CRELD2: variants seen among roughly 807,000 people sequenced by gnomAD.
The protein encoded by CRELD2 is CRELD disulfide isomerase 2.
CRELD2 carries 33 observed loss-of-function variants against 48.1 expected under a neutral mutation model. The observed-to-expected ratio is 0.69, with a 90% confidence interval of 0.52 to 0.92. The LOEUF is 0.92. Among genes scored for constraint, CRELD2 ranks in the 40% least tolerant of loss-of-function variants. The pLI is 0.00. For missense variants in CRELD2, 477 were observed against 482.4 expected (o/e 0.99, Z 0.10); for synonymous variants, 220 against 203.9 (o/e 1.08, Z -0.67).
At chr22:49,919,169 C>T (rs2060648909) in intron 1 of CRELD2, 61 bp from the exon 2 acceptor site, 1 of 994,366 alleles carries the variant, frequency 1.0e-6, no homozygotes, top group Non-Finnish European at 1.4e-6. Flanking sequence ...GACCTGGGCT[C>T]GCCCCCACCC....
intron 7 of CRELD2, 88 bp downstream of exon 7, chr22:49,923,405 A>G (rs1186831209): frequency 7.4e-6 from 7 of 948,232 alleles, no homozygotes; most frequent in Non-Finnish European, 1.2e-5. Context: ...TCTTAGTGTC[A>G]CTTCCATACA....
chr22:49,927,159 G>A (rs1202963465), intron 9 of CRELD2, 96 bp from the exon 10 acceptor site: 17 of 1,095,628 alleles, frequency 1.6e-5, no homozygotes, highest in South Asian at 3.8e-5. Flanking sequence ...AGGACTGGAC[G>A]GGCAGGCCCT....
intron 7 of CRELD2, 28 bp from the exon 8 acceptor site, chr22:49,924,332 G>C: frequency 6.4e-7 from 1 of 1,561,876 alleles, no homozygotes. Flanking sequence ...TGTGCATGTC[G>C]GGGTCTGACG....
At position 49,919,240 on chromosome 22, in the gene CRELD2, A is replaced by G. The variant is rs774830186; in HGVS notation, c.140A>G (p.Asp47Gly). 2 of 1,613,702 alleles carry G rather than the reference A, an allele frequency of 1.2e-6. No homozygotes were observed. The highest frequency in any genetic ancestry group is 1.7e-6 in the Non-Finnish European group (2 of 1,179,988). Residue 47 changes from aspartate to glycine, a missense_variant, in exon 2 of 10, where the codon GAC (aspartate) becomes GGC (glycine). Asp to Gly is a moderately conservative substitution (Grantham distance 94). Transcript: ENST00000328268. ...LVDKFNQGMV[D>G]TAKKNFGGGN... ...ACTGTCTCCTCGCAGGGGATGGTGGACACCGCAAAGAAGAACTTTGGCGGC... is the reference window on the plus strand; with the variant it reads ...ACTGTCTCCTCGCAGGGGATGGTGGGCACCGCAAAGAAGAACTTTGGCGGC...
rs772618402 is a variant in CRELD2, at chr22:49,920,228, C to T, written c.396C>T (p.Thr132=). The T allele has an allele frequency of 1.1e-5, 17 of 1,612,078 alleles. No homozygotes were observed. Among genetic ancestry groups the T allele is most frequent in the Non-Finnish European group, 1.4e-5 (16 of 1,178,644 alleles). Residue 132 remains threonine (T), a synonymous_variant, in exon 4 of 10, where the codon ACC becomes ACT. Transcript: ENST00000328268. ...TGAAAGTGTGCTGCTCTCCAGGAAC[C>T]TACGGTCCCGACTGTCTCGGTGCGT... The part of the protein sequence containing the change: ...KTLKVCCSPG[T]YGPDCLACQG...
chr22:49,922,562 G>A, intron 5 of CRELD2, 50 bp from the exon 6 acceptor site: 1 of 1,492,388 alleles, frequency 6.7e-7, no homozygotes, highest in Non-Finnish European at 9.0e-7. Context: ...TTGTCCCCAA[G>A]CTGGTACCTG....
At position 49,921,622 on chromosome 22, in the gene CRELD2, T is replaced by C. The variant is rs1321961732; in HGVS notation, c.453T>C (p.Asn151=). 6.2e-6 allele frequency: 10 copies of C among 1,612,704 alleles called. No homozygotes were observed. The highest frequency in any genetic ancestry group is 4.0e-5 in the African/African-American group (3 of 74,908). Residue 151 remains asparagine, a synonymous_variant, in exon 5 of 10, where the codon AAT becomes AAC. Transcript: ENST00000328268. ...QGGSQRPCSG[N]GHCSGDGSRQ... Reference sequence around the variant, plus strand: ...GATCCCAGAGGCCCTGCAGCGGGAATGGCCACTGCAGCGGAGATGGGAGCA... The same window carrying C: ...GATCCCAGAGGCCCTGCAGCGGGAACGGCCACTGCAGCGGAGATGGGAGCA...
In CRELD2 at chr22:49,921,813, C is replaced by A. The variant is rs558913215; in HGVS notation, c.592+52C>A. 25 of 1,554,886 alleles carry A rather than the reference C, an allele frequency of 1.6e-5. No homozygotes were observed. In the East Asian group the frequency reaches 5.4e-4, roughly 34 times the overall value. On this transcript the variant is annotated intron_variant, in intron 5 of 9. Coordinates refer to ENST00000328268, the MANE Select transcript of CRELD2 (RefSeq NM_024324.5). ...GGGGTTGAGGCGGGATGACAAGAGC[C>A]CCTTGCTGGAGCTGCCTGCCTAGAT... is the stretch of plus-strand genomic sequence containing the variant.
rs551211225 is a variant in CRELD2, at chr22:49,927,121, T to C, written c.1010-134T>C. 2.1e-5 allele frequency: 17 copies of C among 792,840 alleles called. No homozygotes were observed. The East Asian group carries it at 4.2e-4, about 19-fold the overall frequency. The allele number at this position is 792,840 out of a possible 1,614,324, so 49.1% of individuals were successfully genotyped here. A position where few individuals can be genotyped will look rare whatever the true frequency, so the allele number is the denominator to read the frequency against. Reference sequence around the variant, plus strand: ...GAAACGGGGGTCTCCGAGCTGCCCTTGGATGGCTGCGTCCGGGGCTTTGAG... The same window carrying C: ...GAAACGGGGGTCTCCGAGCTGCCCTCGGATGGCTGCGTCCGGGGCTTTGAG... On this transcript the variant is annotated intron_variant, in intron 9 of 9. Coordinates refer to ENST00000328268, the MANE Select transcript of CRELD2 (RefSeq NM_024324.5).
At chr22:49,926,910 C>T (rs1378986735) in intron 9 of CRELD2, among the ~76,000 whole-genome samples, 3 of 57,382 alleles carry the variant, frequency 5.2e-5, no homozygotes, top group Non-Finnish European at 1.0e-4. Context: ...CACCCTCAGT[C>T]CCCTCTTTCT....
In CRELD2 at chr22:49,922,669, G is replaced by A. The variant is rs1358035133; in HGVS notation, c.650G>A (p.Cys217Tyr). The change falls in exon 6 of 10, where the codon TGT becomes TAT. Residue 217 changes from cysteine (C) to tyrosine (Y), a missense_variant. Transcript: ENST00000328268. ...CTGACCAACAGAGACTGCGGCGAGT[G>A]TGAAGTGGGCTGGGTGCTGGACGAG... ...SGLTNRDCGE[C>Y]EVGWVLDEGA... 3 of 1,566,386 alleles carry A rather than the reference G, an allele frequency of 1.9e-6. No homozygotes were observed. Among genetic ancestry groups the A allele is most frequent in the Non-Finnish European group, 2.6e-6 (3 of 1,157,236 alleles).
intron 2 of CRELD2, 102 bp from the exon 3 acceptor site, chr22:49,919,628 C>A (rs1162236424): frequency 1.2e-5 from 10 of 835,490 alleles, no homozygotes; most frequent in East Asian, 8.0e-5. Context: ...TGCCCGGAGT[C>A]CTGGCTCCCC....
intron 5 of CRELD2, chr22:49,922,276 G>C (rs7410765): frequency 6.9e-7 from 1 of 1,451,080 alleles, no homozygotes; most frequent in Non-Finnish European, 9.3e-7. Flanking sequence ...CGGCCTCTCC[G>C]ATTCTTACGC....
Position 49,924,363 on chromosome 22 carries a change from G to A in CRELD2, c.776G>A (p.Cys259Tyr). The A allele has an allele frequency of 6.2e-7, 1 of 1,610,754 alleles. No individual in the cohort carries two copies. The change falls in exon 8 of 10, where the codon TGT becomes TAT. Residue 259 changes from cysteine (C) to tyrosine (Y), a missense_variant. Coordinates refer to ENST00000328268, the MANE Select transcript of CRELD2 (RefSeq NM_024324.5). ...NANGSYTCEE[C>Y]DSSCVGCTGE... ...TGACGCTGGCTCCCTGTTGCAGAGT[G>A]TGACTCCAGCTGTGTGGGCTGCACA...
chr22:49,921,697 G>A lies in CRELD2; in HGVS notation c.528G>A (p.Leu176=). The A allele has an allele frequency of 6.2e-7, 1 of 1,612,960 alleles. No homozygotes were observed. Among genetic ancestry groups the A allele is most frequent in the Non-Finnish European group, 8.5e-7 (1 of 1,179,980 alleles). The change falls in exon 5 of 10, where the codon CTG becomes CTA. Residue 176 remains leucine (L), a synonymous_variant. Transcript: ENST00000328268. The part of the protein sequence containing the change: ...CRCHMGYQGP[L]CTDCMDGYFS... ...GCCACATGGGGTACCAGGGCCCGCT[G>A]TGCACTGACTGCATGGACGGCTACT...
At chr22:49,924,283 T>A in intron 7 of CRELD2, 77 bp from the exon 8 acceptor site, 1 of 999,498 alleles carries the variant, frequency 1.0e-6, no homozygotes, top group African/African-American at 1.6e-5. Flanking sequence ...GCGGCACCGG[T>A]GCCTTGTGCA....
chr22:49,918,663 G>T lies in CRELD2; in HGVS notation c.-107G>T. 2.6e-6 allele frequency: 1 copy of T among 387,604 alleles called. No individual in the cohort carries two copies. Among genetic ancestry groups the T allele is most frequent in the Non-Finnish European group, 4.4e-6 (1 of 227,936 alleles). The allele number at this position is 387,604 out of a possible 1,614,324, so 24.0% of individuals were successfully genotyped here. A position where few individuals can be genotyped will look rare whatever the true frequency, so the allele number is the denominator to read the frequency against. On this transcript the variant is annotated 5_prime_UTR_variant, in exon 1 of 10. Transcript: ENST00000328268. Reference sequence around the variant, plus strand: ...CCTCGCCGGCGCCGTCAAGTAGCCTGGGGGACAGGCCGGCGCGGCTGGGAG... The same window carrying T: ...CCTCGCCGGCGCCGTCAAGTAGCCTTGGGGACAGGCCGGCGCGGCTGGGAG...
chr22:49,921,644 A>G lies in CRELD2; in HGVS notation c.475A>G (p.Ser159Gly). 6.2e-7 allele frequency: 1 copy of G among 1,612,798 alleles called. No homozygotes were observed. Among genetic ancestry groups the G allele is most frequent in the South Asian group, 1.1e-5 (1 of 91,072 alleles). ...GAATGGCCACTGCAGCGGAGATGGG[A>G]GCAGACAGGGCGACGGGTCCTGCCG... ...SGNGHCSGDGSRQGDGSCRCH... is the reference protein window; with the variant it reads ...SGNGHCSGDGGRQGDGSCRCH... Residue 159 changes from serine to glycine, a missense_variant, in exon 5 of 10, where the codon AGC (serine) becomes GGC (glycine). Ser to Gly is a moderately conservative substitution (Grantham distance 56, BLOSUM62 0). Coordinates refer to ENST00000328268, the MANE Select transcript of CRELD2 (RefSeq NM_024324.5).
At position 49,927,531 on chromosome 22, in the gene CRELD2, A is replaced by G; in HGVS notation, c.*224A>G. 1.8e-6 allele frequency: 1 copy of G among 554,798 alleles called. No individual in the cohort carries two copies. The highest frequency in any genetic ancestry group is 2.0e-5 in the South Asian group (1 of 49,200). 34.4% of individuals were successfully genotyped at this position (554,798 alleles called of 1,614,324 possible). ...ATAAAATTGACCATTGTAGGTAATC[A>G]GGAGGAGAACGGGCGTGGGTTTGTC... On this transcript the variant is annotated 3_prime_UTR_variant, in exon 10 of 10. Coordinates refer to ENST00000328268, the MANE Select transcript of CRELD2 (RefSeq NM_024324.5).
Sources: gnomAD v4.1 joint callset for allele counts (sites outside exome capture counted in the v4.1 genomes callset) on GRCh38, gnomAD v4.1.1 for gene constraint, MANE v1.5 for transcripts, NCBI Gene and HGNC (gene_info 2026-07-23, HGNC 2026-07-21) for gene names.